The following ZFHX3 variants were observed in gnomAD, a reference collection of about 807,000 sequenced individuals.
The protein encoded by ZFHX3 is zinc finger homeobox 3.
Under a neutral mutation model 279.1 loss-of-function variants are expected in ZFHX3, and 42 were observed. That is an observed-to-expected ratio of 0.15 (90% CI 0.12 to 0.19). ZFHX3 has a LOEUF of 0.19. Among genes scored for constraint, ZFHX3 ranks in the 10% least tolerant of loss-of-function variants. The pLI, the probability that ZFHX3 is intolerant of heterozygous loss-of-function variation, is 1.00. For missense variants in ZFHX3, 4,981 were observed against 4,754.0 expected (o/e 1.05, Z -1.40); for synonymous variants, 2,293 against 1,957.8 (o/e 1.17, Z -4.52).
intron 2 of ZFHX3, among the ~76,000 whole-genome samples, chr16:73,556,358 G>A (rs1163653394): frequency 5.9e-5 from 9 of 152,146 alleles, no homozygotes; most frequent in Admixed American, 3.9e-4. Context: ...ATGTAAAATC[G>A]TTTCCATATT....
At chr16:73,636,545 C>G (rs2052528795) in intron 2 of ZFHX3, among the ~76,000 whole-genome samples, 1 of 151,992 alleles carries the variant, frequency 6.6e-6, no homozygotes, top group Non-Finnish European at 1.5e-5. Flanking sequence ...AAAATGAAAC[C>G]TGTTCAACAA....
At chr16:73,797,216 AAAC>A (rs368442624) in intron 1 of ZFHX3, among the ~76,000 whole-genome samples, 24 of 150,960 alleles carry the variant, frequency 1.6e-4, no homozygotes, top group East Asian at 9.7e-4. Context: ...AAAAACAAAC[AAAC>A]AACAACAACA....
intron 1 of ZFHX3, among the ~76,000 whole-genome samples, chr16:73,881,627 T>A (rs1400469961): frequency 6.6e-6 from 1 of 152,004 alleles, no homozygotes; most frequent in Non-Finnish European, 1.5e-5. Flanking sequence ...TGTCAGCATC[T>A]TGATATATTC....
chr16:73,002,538 C>A (rs1963536062), intron 1 of ZFHX3, among the ~76,000 whole-genome samples: 2 of 152,144 alleles, frequency 1.3e-5, no homozygotes, highest in Admixed American at 6.6e-5. Context: ...AAAGACAGCA[C>A]ACACATTTCC....
intron 2 of ZFHX3, among the ~76,000 whole-genome samples, chr16:73,653,396 G>C (rs1718951238): frequency 6.6e-6 from 1 of 152,078 alleles, no homozygotes; most frequent in Admixed American, 6.5e-5. Context: ...CATTTTCTCT[G>C]ATCAGACCTC....
chr16:72,820,621 G>A (rs2036764119), intron 5 of ZFHX3, among the ~76,000 whole-genome samples: 1 of 152,124 alleles, frequency 6.6e-6, no homozygotes, highest in Non-Finnish European at 1.5e-5. Context: ...GCCTGTCTTT[G>A]GCCTCTTGTT....
intron 2 of ZFHX3, among the ~76,000 whole-genome samples, chr16:73,594,253 G>A (rs1026903326): frequency 5.3e-5 from 8 of 151,976 alleles, no homozygotes; most frequent in African/African-American, 1.9e-4. Flanking sequence ...AAGATATCAT[G>A]TAAAATAGCA....
intron 2 of ZFHX3, among the ~76,000 whole-genome samples, chr16:73,554,090 T>C (rs1034365249): frequency 3.3e-5 from 5 of 152,176 alleles, no homozygotes; most frequent in Non-Finnish European, 1.5e-5. Flanking sequence ...TCTTCGTCAA[T>C]GTGTTTAGTT....
chr16:73,748,638 A>T (rs1023648739), intron 1 of ZFHX3, among the ~76,000 whole-genome samples: 1 of 152,126 alleles, frequency 6.6e-6, no homozygotes, highest in Non-Finnish European at 1.5e-5. Context: ...CTCCAGGCTT[A>T]TCTACATTCA....
Position 73,187,141 on chromosome 16 carries a change from GTC to G in ZFHX3, c.-1103-43312_-1103-43311del, listed in dbSNP as rs202100975. 1.9e-3 allele frequency among the ~76,000 whole-genome samples: 175 copies of G among 91,896 alleles called. 2 individuals carry two copies. In the East Asian group the frequency reaches 0.044, roughly 23 times the overall value. 60.3% of individuals were successfully genotyped at this position (91,896 alleles called of 152,430 possible). A position where few individuals can be genotyped will look rare whatever the true frequency, so the allele number is the denominator to read the frequency against. On this transcript the variant is annotated intron_variant, in intron 5 of 17. Coordinates refer to the ZFHX3 transcript ENST00000641206. ...AGGCGGGGGGATGGACAAGTTGTAT[GTC>G]TCACACACACACACACACACACACA... is the stretch of plus-strand genomic sequence containing the variant.
chr16:73,416,362 T>C (rs1404944122), intron 3 of ZFHX3, among the ~76,000 whole-genome samples: 2 of 152,000 alleles, frequency 1.3e-5, no homozygotes, highest in African/African-American at 4.8e-5. Flanking sequence ...AAGGTGAGAA[T>C]AAAAATGTTG....
At chr16:73,693,691 C>T (rs1004275605) in intron 1 of ZFHX3, among the ~76,000 whole-genome samples, 5 of 152,160 alleles carry the variant, frequency 3.3e-5, no homozygotes, top group African/African-American at 1.2e-4. Context: ...AAGGAAAGCC[C>T]TCCAAATCAA....
intron 3 of ZFHX3, among the ~76,000 whole-genome samples, chr16:73,354,334 G>A (rs553318018): frequency 1.4e-3 from 212 of 152,250 alleles, no homozygotes; most frequent in Non-Finnish European, 2.7e-3. Context: ...GTAAGGTCCC[G>A]AGTGTATTCA....
chr16:73,769,962 T>C (rs1420960921), intron 1 of ZFHX3, among the ~76,000 whole-genome samples: 2 of 152,214 alleles, frequency 1.3e-5, no homozygotes, highest in East Asian at 1.9e-4. Context: ...TTGTTTATTA[T>C]CATAGTGCAC....
intron 1 of ZFHX3, among the ~76,000 whole-genome samples, chr16:72,981,873 T>C (rs1026471327): frequency 7.2e-6 from 1 of 138,968 alleles, no homozygotes; most frequent in Non-Finnish European, 1.5e-5. Context: ...TTTTACACAT[T>C]TTCCTTTTTT....
At chr16:73,832,612 A>G (rs928811896) in intron 1 of ZFHX3, among the ~76,000 whole-genome samples, 3 of 152,054 alleles carry the variant, frequency 2.0e-5, no homozygotes, top group Non-Finnish European at 4.4e-5. Flanking sequence ...CAATGATGCA[A>G]TCATAGCTCA....
At chr16:73,682,303 T>C (rs1357022291) in intron 1 of ZFHX3, among the ~76,000 whole-genome samples, 4 of 152,182 alleles carry the variant, frequency 2.6e-5, no homozygotes, top group Non-Finnish European at 4.4e-5. Context: ...AAATTATATA[T>C]ATTTTGACAA....
chr16:72,820,918 T>A (rs1484470167), intron 5 of ZFHX3, among the ~76,000 whole-genome samples: 1 of 152,196 alleles, frequency 6.6e-6, no homozygotes, highest in African/African-American at 2.4e-5. Flanking sequence ...CAGAGGGCCA[T>A]TCAGTCTCCA....
At chr16:73,513,429 C>T (rs539694688) in intron 2 of ZFHX3, among the ~76,000 whole-genome samples, 2 of 152,192 alleles carry the variant, frequency 1.3e-5, no homozygotes, top group Non-Finnish European at 1.5e-5. Flanking sequence ...TCTCTCAATG[C>T]ACACTAATTG....
Sources: gnomAD v4.1 joint callset for allele counts (sites outside exome capture counted in the v4.1 genomes callset) on GRCh38, gnomAD v4.1.1 for gene constraint, MANE v1.5 for transcripts, NCBI Gene and HGNC (gene_info 2026-07-23, HGNC 2026-07-21) for gene names.